The following RNF213 variants were observed in gnomAD, a reference collection of about 807,000 sequenced individuals.
RNF213 encodes E3 ubiquitin-protein ligase RNF213.
A neutral mutation model predicts 514.4 loss-of-function variants in RNF213; 341 were observed. That is an observed-to-expected ratio of 0.66 (90% CI 0.61 to 0.73). RNF213 has a LOEUF of 0.73. Among genes scored for constraint, RNF213 ranks in the 30% least tolerant of loss-of-function variants. The pLI is 0.00. For missense variants in RNF213, 5,767 were observed against 6,615.6 expected (o/e 0.87, Z 4.45); for synonymous variants, 2,655 against 2,658.2 (o/e 1.00, Z 0.04).
At chr17:80,307,297 T>C in intron 13 of RNF213, 96 bp downstream of exon 13, 13 of 945,782 alleles carry the variant, frequency 1.4e-5, no homozygotes, top group Non-Finnish European at 2.1e-5. Context: ...TGTGCTGTTG[T>C]AACAGCAAGG....
In RNF213 at chr17:80,352,677, A is replaced by T. The variant is rs145622326; in HGVS notation, c.10304-263A>T. 4.8e-6 allele frequency: 3 copies of T among 627,362 alleles called. No individual in the cohort carries two copies. The African/African-American group carries it at 5.4e-5, about 11-fold the overall frequency. The allele number at this position is 627,362 out of a possible 1,614,324, so 38.9% of individuals were successfully genotyped here. A position where few individuals can be genotyped will look rare whatever the true frequency, so the allele number is the denominator to read the frequency against. On this transcript the variant is annotated intron_variant, in intron 32 of 67. Coordinates refer to ENST00000582970, the MANE Select transcript of RNF213 (RefSeq NM_001256071.3). ...GGTGAAAGAACCACAGGCCTTATCC[A>T]TGCGTCCTTCCCACGCTGGCCATTG...
Position 80,372,571 on chromosome 17 carries a change from C to A in RNF213, c.12588C>A (p.Asn4196Lys). 1 of 1,614,014 alleles carries A rather than the reference C, an allele frequency of 6.2e-7. No homozygotes were observed. The highest frequency in any genetic ancestry group is 8.5e-7 in the Non-Finnish European group (1 of 1,179,974). ...TSAYSRNDELNHLEEEGRFLK... is the reference protein window; with the variant it reads ...TSAYSRNDELKHLEEEGRFLK... ...CTTACTCCAGAAATGATGAACTGAACCACCTAGAAGAGGAAGGTCGTTTCC... is the reference window on the plus strand; with the variant it reads ...CTTACTCCAGAAATGATGAACTGAAACACCTAGAAGAGGAAGGTCGTTTCC... The change falls in exon 48 of 68, where the codon AAC becomes AAA. Residue 4196 changes from asparagine to lysine, a missense_variant. By Grantham distance (94) the Asn-to-Lys change is moderately conservative. This residue lies in a region of RNF213 where 1,245 missense variants were observed against 1,339.0 expected (regional missense o/e 0.93). Coordinates refer to ENST00000582970, the MANE Select transcript of RNF213 (RefSeq NM_001256071.3).
At position 80,383,717 on chromosome 17, in the gene RNF213, G is replaced by A. The variant is rs747191905; in HGVS notation, c.14111G>A (p.Ser4704Asn). The A allele has an allele frequency of 1.2e-6, 2 of 1,613,688 alleles. No homozygotes were observed. The highest frequency in any genetic ancestry group is 1.7e-6 in the Non-Finnish European group (2 of 1,179,946). The change falls in exon 59 of 68, where the codon AGC (serine) becomes AAC (asparagine). Residue 4704 changes from serine (S) to asparagine (N), a missense_variant. This residue lies in a region of RNF213 where 1,245 missense variants were observed against 1,339.0 expected (regional missense o/e 0.93). Coordinates refer to ENST00000582970, the MANE Select transcript of RNF213 (RefSeq NM_001256071.3). ...KTLPTMNNLI[S>N]QDKRISSNPV... Reference sequence around the variant, plus strand: ...CTTCCCACCATGAATAATCTCATCAGCCAAGATAAGCGTATCAGCTCTAAC... The same window carrying A: ...CTTCCCACCATGAATAATCTCATCAACCAAGATAAGCGTATCAGCTCTAAC...
At chr17:80,386,621 C>T (rs1000333612) in intron 62 of RNF213, 69 bp from the exon 63 acceptor site, 10 of 1,550,264 alleles carry the variant, frequency 6.5e-6, no homozygotes, top group Non-Finnish European at 8.9e-6. Flanking sequence ...GGAGCCTGCT[C>T]CCTGCAACAT....
At position 80,294,916 on chromosome 17, in the gene RNF213, C is replaced by G; in HGVS notation, c.1668C>G (p.Phe556Leu). Reference sequence around the variant, plus strand: ...ACCTGAACAGCTTCTTCACCCAGTTCGAGCAGTTTTGCTTTGTCCTGCAAC... The same window carrying G: ...ACCTGAACAGCTTCTTCACCCAGTTGGAGCAGTTTTGCTTTGTCCTGCAAC... ...TINLNSFFTQ[F>L]EQFCFVLQQP... Residue 556 changes from phenylalanine (F) to leucine (L), a missense_variant, in exon 9 of 68, where the codon TTC becomes TTG. Around this residue, in one of 13 missense-constraint regions of RNF213, gnomAD observed 592 missense variants for 673.9 expected, o/e 0.88. Transcript: ENST00000582970. 2 of 1,614,192 alleles carry G rather than the reference C, an allele frequency of 1.2e-6. No individual in the cohort carries two copies. The highest frequency in any genetic ancestry group is 8.5e-7 in the Non-Finnish European group (1 of 1,180,046).
intron 63 of RNF213, 101 bp downstream of exon 63, chr17:80,386,992 C>A: frequency 1.7e-6 from 2 of 1,159,176 alleles, no homozygotes; most frequent in Non-Finnish European, 2.5e-6. Context: ...CCTCACCCTG[C>A]AGTCTGGTCT....
chr17:80,338,719 C>T (rs1157491055), intron 25 of RNF213, among the ~76,000 whole-genome samples: 2 of 151,466 alleles, frequency 1.3e-5, no homozygotes, highest in Admixed American at 1.3e-4. Flanking sequence ...GAGGCCGAGG[C>T]GGGCCTATCA....
chr17:80,342,348 T>C (rs1163123521), intron 26 of RNF213, among the ~76,000 whole-genome samples: 3 of 152,200 alleles, frequency 2.0e-5, no homozygotes, highest in Non-Finnish European at 4.4e-5. Context: ...CTTTGCCTGC[T>C]GTCCTGCGGA....
At chr17:80,299,609 TATAG>T (rs1369818669) in intron 11 of RNF213, among the ~76,000 whole-genome samples, 2 of 152,146 alleles carry the variant, frequency 1.3e-5, no homozygotes, top group African/African-American at 4.8e-5. Context: ...AGGTTTGTTA[TATAG>T]ATAAACTTGT....
chr17:80,388,768 A>G (rs1599217708), intron 64 of RNF213, 79 bp downstream of exon 64: 6 of 1,126,568 alleles, frequency 5.3e-6, no homozygotes, highest in Non-Finnish European at 8.1e-6. Flanking sequence ...GGCCTACTCC[A>G]GCCTTGCCCC....
In RNF213 at chr17:80,334,156, G is replaced by T; in HGVS notation, c.4195G>T (p.Glu1399Ter). The change falls in exon 22 of 68, where the codon GAG becomes TAG. Residue 1399 changes from glutamate (E) to a stop codon, truncating the protein, a stop_gained. Coordinates refer to ENST00000582970, the MANE Select transcript of RNF213 (RefSeq NM_001256071.3). LOFTEE classifies it high-confidence loss of function. The stretch of plus-strand genomic sequence containing the variant: ...TGAAACACTGGACCAGATCAACCAG[G>T]AGCTCATCCAGGCCAAAAAGCTGCT... The part of the protein sequence containing the change: ...RRETLDQINQ[E>*]LIQAKKLLQD... 6.5e-7 allele frequency: 1 copy of T among 1,537,212 alleles called. No individual in the cohort carries two copies. The highest frequency in any genetic ancestry group is 8.7e-7 in the Non-Finnish European group (1 of 1,146,902).
intron 6 of RNF213, 124 bp from the exon 7 acceptor site, chr17:80,290,446 T>G (rs942566718): frequency 2.6e-6 from 3 of 1,145,642 alleles, no homozygotes; most frequent in Non-Finnish European, 3.9e-6. Context: ...TGTGCATGTG[T>G]GTGTGCGAGT....
chr17:80,363,919 G>T, intron 41 of RNF213, 129 bp downstream of exon 41: 1 of 905,518 alleles, frequency 1.1e-6, no homozygotes, highest in Non-Finnish European at 1.8e-6. Context: ...GTCCTCACCC[G>T]TTCACTCCGC....
Position 80,347,529 on chromosome 17 carries a change from A to T in RNF213, c.9194A>T (p.Gln3065Leu). The T allele has an allele frequency of 6.2e-7, 1 of 1,614,160 alleles. No individual in the cohort carries two copies. Among genetic ancestry groups the T allele is most frequent in the Non-Finnish European group, 8.5e-7 (1 of 1,180,050 alleles). Residue 3065 changes from glutamine (Q) to leucine (L), a missense_variant, in exon 29 of 68, where the codon CAG becomes CTG. This residue lies in a region of RNF213 where 919 missense variants were observed against 1,121.0 expected (regional missense o/e 0.82). Transcript: ENST00000582970. This position sits in a 1 kb window ranked among gnomAD's most constrained non-coding sequence, Gnocchi z 7.2. The stretch of plus-strand genomic sequence containing the variant: ...CAGACATTCTTCGAGGGGGACCAGC[A>T]GCCGGAGATTATTTTTGGTTCTGGT... ...LQQTFFEGDQ[Q>L]PEIIFGSGFP...
At chr17:80,325,821 A>G (rs1301212379) in intron 18 of RNF213, among the ~76,000 whole-genome samples, 1 of 152,180 alleles carries the variant, frequency 6.6e-6, no homozygotes, top group East Asian at 1.9e-4. Flanking sequence ...GGAACAGCCA[A>G]AATCAATGCT....
Position 80,317,529 on chromosome 17 carries a change from C to T in RNF213, c.2901+252C>T, listed in dbSNP as rs1381868893. Reference sequence around the variant, plus strand: ...CCATCATGGGGGTGCGGGATTTTTCCTGACCCCTTCGTTGGACTTGCGACA... The same window carrying T: ...CCATCATGGGGGTGCGGGATTTTTCTTGACCCCTTCGTTGGACTTGCGACA... On this transcript the variant is annotated intron_variant, in intron 16 of 67. Coordinates refer to ENST00000582970, the MANE Select transcript of RNF213 (RefSeq NM_001256071.3). This position sits in a 1 kb window ranked among gnomAD's most constrained non-coding sequence, Gnocchi z 4.1. Among the ~76,000 whole-genome samples, 1 of 152,182 alleles carries T rather than the reference C, an allele frequency of 6.6e-6. No homozygotes were observed.
chr17:80,344,090 C>T (rs1210531181), intron 28 of RNF213, 75 bp downstream of exon 28: 8 of 1,512,782 alleles, frequency 5.3e-6, no homozygotes, highest in South Asian at 2.4e-5. Context: ...AGTGGAATGG[C>T]GCGTTTAGGA....
At chr17:80,282,459 C>T (rs1008206099) in intron 3 of RNF213, among the ~76,000 whole-genome samples, 12 of 151,822 alleles carry the variant, frequency 7.9e-5, no homozygotes, top group African/African-American at 2.9e-4. Flanking sequence ...AGTGCAGTGG[C>T]ACAATCTCGG....
Position 80,393,737 on chromosome 17 carries a change from ATT to A in RNF213, c.*240_*241del. 1 of 501,612 alleles carries A rather than the reference ATT, an allele frequency of 2.0e-6. No homozygotes were observed. The highest frequency in any genetic ancestry group is 3.6e-5 in the East Asian group (1 of 27,858). 31.1% of individuals were successfully genotyped at this position (501,612 alleles called of 1,614,324 possible). ...TCTCATCATTTTATGAGTACTGTTC[ATT>A]GAGAGATGACAATGAAGATTAGATG... On this transcript the variant is annotated 3_prime_UTR_variant, in exon 68 of 68. Coordinates refer to ENST00000582970, the MANE Select transcript of RNF213 (RefSeq NM_001256071.3).
Sources: gnomAD v4.1 joint callset for allele counts (sites outside exome capture counted in the v4.1 genomes callset) on GRCh38, gnomAD v4.1.1 for gene constraint, gnomAD v4.1.1 regional missense constraint, Gnocchi (gnomAD v3.1) non-coding constraint, MANE v1.5 for transcripts, NCBI Gene and HGNC (gene_info 2026-07-23, HGNC 2026-07-21) for gene names.